The following CSMD1 variants were observed in gnomAD, a reference collection of about 807,000 sequenced individuals.
CSMD1 encodes the protein CUB and sushi domain-containing protein 1.
CSMD1 carries 213 observed loss-of-function variants against 417.5 expected under a neutral mutation model. That is an observed-to-expected ratio of 0.51 (90% CI 0.46 to 0.57). The LOEUF is 0.57. Ranked by LOEUF, CSMD1 falls within the 20% of genes least tolerant of loss-of-function variation. The pLI, the probability that CSMD1 is intolerant of heterozygous loss-of-function variation, is 0.00. For missense variants in CSMD1, 6,923 were observed against 4,529.7 expected (o/e 1.53, Z -15.17); for synonymous variants, 2,862 against 1,736.8 (o/e 1.65, Z -16.11).
intron 1 of CSMD1, among the ~76,000 whole-genome samples, chr8:4,862,813 T>A (rs1365361383): frequency 6.6e-6 from 1 of 151,874 alleles, no homozygotes; most frequent in Non-Finnish European, 1.5e-5. Context: ...GGATTTGGGG[T>A]AGCTAGAAAG....
At chr8:4,049,696 A>T (rs867868600) in intron 3 of CSMD1, among the ~76,000 whole-genome samples, 1 of 152,176 alleles carries the variant, frequency 6.6e-6, no homozygotes, top group East Asian at 1.9e-4. Flanking sequence ...AATTCTTAAT[A>T]AATTTTCAAA....
chr8:4,176,663 G>T (rs1393603989), intron 3 of CSMD1, among the ~76,000 whole-genome samples: 1 of 151,752 alleles, frequency 6.6e-6, no homozygotes, highest in East Asian at 1.9e-4. Flanking sequence ...AGACCCATCA[G>T]TGTGCTGTAT....
intron 1 of CSMD1, among the ~76,000 whole-genome samples, chr8:4,944,286 A>G (rs11997657): frequency 1.1e-4 from 17 of 152,116 alleles, no homozygotes; most frequent in East Asian, 5.8e-4. Context: ...TGTGAGTATT[A>G]TGGAGATCAA....
intron 1 of CSMD1, among the ~76,000 whole-genome samples, chr8:4,925,339 T>C (rs1806785010): frequency 1.4e-5 from 2 of 146,904 alleles, no homozygotes; most frequent in Non-Finnish European, 3.0e-5. Flanking sequence ...GGGTCATGTG[T>C]TGTCACATGA....
chr8:3,109,219 C>A (rs923481306), intron 43 of CSMD1, among the ~76,000 whole-genome samples: 47 of 152,276 alleles, frequency 3.1e-4, no homozygotes, highest in African/African-American at 1.1e-3. Flanking sequence ...GAGCCAAGAT[C>A]GCGCCACTGC....
intron 15 of CSMD1, among the ~76,000 whole-genome samples, chr8:3,402,244 T>C (rs931064137): frequency 6.6e-6 from 1 of 152,334 alleles, no homozygotes; most frequent in East Asian, 1.9e-4. Flanking sequence ...TCTTTTTCAA[T>C]GTTCAATCCT....
chr8:3,973,643 T>A (rs540493482), intron 5 of CSMD1, among the ~76,000 whole-genome samples: 3 of 152,128 alleles, frequency 2.0e-5, no homozygotes, highest in Non-Finnish European at 4.4e-5. Flanking sequence ...TGTCATCTGT[T>A]TACTCCCTCA....
At chr8:3,511,755 C>G (rs1302252253) in intron 10 of CSMD1, among the ~76,000 whole-genome samples, 1 of 91,922 alleles carries the variant, frequency 1.1e-5, no homozygotes, top group Non-Finnish European at 2.1e-5. Flanking sequence ...GACTCCATCT[C>G]TAAAAAAATA....
chr8:3,395,390 T>C (rs1349538323), intron 17 of CSMD1, among the ~76,000 whole-genome samples: 10 of 152,166 alleles, frequency 6.6e-5, no homozygotes, highest in Non-Finnish European at 1.5e-4. Context: ...CTTTGTTTTG[T>C]TTTAATTGGC....
intron 3 of CSMD1, among the ~76,000 whole-genome samples, chr8:4,230,835 T>C (rs961115613): frequency 3.3e-5 from 5 of 152,208 alleles, no homozygotes; most frequent in African/African-American, 1.2e-4. Context: ...AATGTATTTT[T>C]TGTGGTTAGG....
intron 1 of CSMD1, among the ~76,000 whole-genome samples, chr8:4,726,533 G>A (rs1238791292): frequency 6.6e-6 from 1 of 152,052 alleles, no homozygotes; most frequent in Middle Eastern, 3.2e-3. Flanking sequence ...GAGAATACAA[G>A]CAGTGCTAAC....
chr8:3,888,970 G>C (rs1040550419), intron 5 of CSMD1, among the ~76,000 whole-genome samples: 1 of 152,050 alleles, frequency 6.6e-6, no homozygotes, highest in Non-Finnish European at 1.5e-5. Flanking sequence ...TATATTTAAA[G>C]AAACTTTATC....
intron 1 of CSMD1, among the ~76,000 whole-genome samples, chr8:4,962,940 G>C (rs892464981): frequency 6.6e-6 from 1 of 152,134 alleles, no homozygotes; most frequent in Non-Finnish European, 1.5e-5. Flanking sequence ...TGAGAGATGG[G>C]AGGAGAACAT....
chr8:4,780,623 A>T (rs918535524), intron 1 of CSMD1, among the ~76,000 whole-genome samples: 1 of 152,128 alleles, frequency 6.6e-6, no homozygotes, highest in South Asian at 2.1e-4. Context: ...GGTTACATGA[A>T]CAAGTTATTT....
At chr8:4,779,816 G>A (rs1030877503) in intron 1 of CSMD1, among the ~76,000 whole-genome samples, 27 of 152,166 alleles carry the variant, frequency 1.8e-4, no homozygotes, top group Non-Finnish European at 1.5e-5. Flanking sequence ...TCCTGGGCCT[G>A]GAAGCCTGCT....
chr8:3,760,071 T>C (rs1408106353), intron 5 of CSMD1, among the ~76,000 whole-genome samples: 1 of 152,050 alleles, frequency 6.6e-6, no homozygotes, highest in East Asian at 1.9e-4. Flanking sequence ...TCAGGGATAT[T>C]GGTGCTTAAA....
chr8:4,076,044 G>C (rs1799803769), intron 3 of CSMD1, among the ~76,000 whole-genome samples: 1 of 152,108 alleles, frequency 6.6e-6, no homozygotes, highest in Non-Finnish European at 1.5e-5. Context: ...GGAAAGATAA[G>C]TGATATGGTT....
At chr8:4,263,795 G>A (rs989463726) in intron 3 of CSMD1, among the ~76,000 whole-genome samples, 1 of 152,066 alleles carries the variant, frequency 6.6e-6, no homozygotes, top group Admixed American at 6.6e-5. Context: ...AATTGTGACT[G>A]GCTCACCTAA....
At chr8:3,106,317 A>T (rs10102808) in intron 46 of CSMD1, among the ~76,000 whole-genome samples, 1 of 151,976 alleles carries the variant, frequency 6.6e-6, no homozygotes, top group East Asian at 1.9e-4. Context: ...GGATCACCTG[A>T]GACCAGGGAG....
Sources: gnomAD v4.1 joint callset for allele counts (sites outside exome capture counted in the v4.1 genomes callset) on GRCh38, gnomAD v4.1.1 for gene constraint, MANE v1.5 for transcripts, NCBI Gene and HGNC (gene_info 2026-07-23, HGNC 2026-07-21) for gene names.